The following DCK variants were observed in gnomAD, a reference collection of about 807,000 sequenced individuals.
DCK encodes the protein deoxyadenosine kinase.
A neutral mutation model predicts 38.3 loss-of-function variants in DCK; 23 were observed. The ratio of observed to expected loss-of-function variants is 0.60; its 90% CI spans 0.43 to 0.85. DCK has a LOEUF of 0.85. DCK is among the 40% of genes least tolerant of loss of function. The pLI, the probability that DCK is intolerant of heterozygous loss-of-function variation, is 0.00. For synonymous variants in DCK, 108 were observed against 100.6 expected (o/e 1.07, Z -0.44); for missense variants, 259 against 304.4 (o/e 0.85, Z 1.11).
intron 2 of DCK, among the ~76,000 whole-genome samples, chr4:70,999,837 CAT>C (rs1739754297): frequency 1.3e-5 from 2 of 151,988 alleles, no homozygotes. Flanking sequence ...AGTGTCTGTT[CAT>C]ATCATTTGCC....
intron 2 of DCK, among the ~76,000 whole-genome samples, chr4:71,013,573 C>T (rs1214284227): frequency 6.6e-6 from 1 of 152,146 alleles, no homozygotes; most frequent in African/African-American, 2.4e-5. Context: ...GGCAGAAACG[C>T]TACAAGCCAG....
chr4:70,997,509 G>A (rs1739686489), intron 1 of DCK, among the ~76,000 whole-genome samples: 1 of 152,072 alleles, frequency 6.6e-6, no homozygotes, highest in Admixed American at 6.5e-5. Flanking sequence ...TTCTCTGTGT[G>A]TAATTCTTTA....
intron 5 of DCK, among the ~76,000 whole-genome samples, chr4:71,026,326 C>A (rs964780991): frequency 6.6e-6 from 1 of 152,056 alleles, no homozygotes; most frequent in African/African-American, 2.4e-5. Flanking sequence ...TGGTGTGTGA[C>A]CTTGGATAGC....
At chr4:71,008,508 T>TA (rs1740002812) in intron 2 of DCK, among the ~76,000 whole-genome samples, 1 of 152,220 alleles carries the variant, frequency 6.6e-6, no homozygotes, top group South Asian at 2.1e-4. Flanking sequence ...TTCGCTGAAG[T>TA]ACCTACTCAA....
At chr4:70,995,336 C>G (rs1403626293) in intron 1 of DCK, among the ~76,000 whole-genome samples, 2 of 152,156 alleles carry the variant, frequency 1.3e-5, no homozygotes, top group African/African-American at 4.8e-5. Flanking sequence ...CTTGTAATCC[C>G]AGGATTTGGG....
chr4:71,026,280 GTTA>G (rs1740545005), intron 5 of DCK, among the ~76,000 whole-genome samples: 1 of 152,074 alleles, frequency 6.6e-6, no homozygotes, highest in South Asian at 2.1e-4. Flanking sequence ...GATAGACTTT[GTTA>G]TTAGTCAGAT....
At position 71,011,443 on chromosome 4, in the gene DCK, G is replaced by A. The variant is rs140163774; in HGVS notation, c.208-10924G>A. Among the ~76,000 whole-genome samples the A allele has an allele frequency of 5.3e-3, 799 of 151,880 alleles. 6 individuals are homozygous for A. The highest frequency in any genetic ancestry group is 0.018 in the African/African-American group (757 of 41,406). ...TGAACCTCAGCCCACTGCAGCCTCCGCCTCCTGGGCTCAAGTGATCCTCCC... is the reference window on the plus strand; with the variant it reads ...TGAACCTCAGCCCACTGCAGCCTCCACCTCCTGGGCTCAAGTGATCCTCCC... On this transcript the variant is annotated intron_variant, in intron 2 of 6. Coordinates refer to ENST00000286648, the MANE Select transcript of DCK (RefSeq NM_000788.3).
chr4:71,009,381 G>A (rs936943524), intron 2 of DCK, among the ~76,000 whole-genome samples: 1 of 152,192 alleles, frequency 6.6e-6, no homozygotes, highest in South Asian at 2.1e-4. Flanking sequence ...TGTCTGTTGA[G>A]CTTGGAATCA....
Position 71,017,557 on chromosome 4 carries a change from A to G in DCK, c.208-4810A>G, listed in dbSNP as rs1478255568. Among the ~76,000 whole-genome samples the G allele has an allele frequency of 2.0e-5, 3 of 152,162 alleles. No individual in the cohort carries two copies. The East Asian group carries it at 5.8e-4, about 29-fold the overall frequency. ...ATGTCCATCAGTAATAGACTGGATT[A>G]AGAAAATGTGGCACATATACACCAT... On this transcript the variant is annotated intron_variant, in intron 2 of 6. Coordinates refer to ENST00000286648, the MANE Select transcript of DCK (RefSeq NM_000788.3).
At chr4:71,028,131 A>G (rs144457963) in intron 6 of DCK, among the ~76,000 whole-genome samples, 83 of 152,324 alleles carry the variant, frequency 5.4e-4, no homozygotes, top group African/African-American at 1.9e-3. Flanking sequence ...TGTGATTCAC[A>G]TATGTGCTTC....
chr4:71,000,162 G>C (rs957601247), intron 2 of DCK, among the ~76,000 whole-genome samples: 1 of 152,034 alleles, frequency 6.6e-6, no homozygotes, highest in African/African-American at 2.4e-5. Context: ...TAGGTCTTAT[G>C]TTTAAATCTT....
At chr4:71,011,634 G>A (rs1186178526) in intron 2 of DCK, among the ~76,000 whole-genome samples, 1 of 152,152 alleles carries the variant, frequency 6.6e-6, no homozygotes, top group Non-Finnish European at 1.5e-5. Context: ...CTAGAATTAG[G>A]CATATGAGTC....
In DCK at chr4:71,029,369, T is replaced by G. The variant is rs1740630736; in HGVS notation, c.774T>G (p.Ser258Arg). The change falls in exon 7 of 7, where the codon AGT becomes AGG. Residue 258 changes from serine (S) to arginine (R), a missense_variant. By Grantham distance (110) the Ser-to-Arg change is moderately radical (BLOSUM62 -1). This residue lies in a region of DCK where 82 missense variants were observed against 103.8 expected (regional missense o/e 0.79). Coordinates refer to ENST00000286648, the MANE Select transcript of DCK (RefSeq NM_000788.3). Reference sequence around the variant, plus strand: ...TTCCTCAGGTCAAAGAGTTTTTGAGTACTTTGTGATCTTGCTGAAGACTAC... The same window carrying G: ...TTCCTCAGGTCAAAGAGTTTTTGAGGACTTTGTGATCTTGCTGAAGACTAC... Reference protein sequence around the residue: ...SLVEKVKEFLSTL With the variant: ...SLVEKVKEFLRTL 6.2e-7 allele frequency: 1 copy of G among 1,607,852 alleles called. No homozygotes were observed. The highest frequency in any genetic ancestry group is 1.7e-5 in the Admixed American group (1 of 59,424).
chr4:71,020,327 G>C (rs1301485344), intron 2 of DCK, among the ~76,000 whole-genome samples: 1 of 152,156 alleles, frequency 6.6e-6, no homozygotes, highest in Non-Finnish European at 1.5e-5. Flanking sequence ...TTGGTGATGT[G>C]TATTTCTTTA....
intron 2 of DCK, among the ~76,000 whole-genome samples, chr4:71,012,172 T>C (rs1045986638): frequency 1.4e-4 from 21 of 152,094 alleles, no homozygotes; most frequent in African/African-American, 4.3e-4. Flanking sequence ...AATATTTATA[T>C]GTCAAGAGTC....
At position 71,025,720 on chromosome 4, in the gene DCK, G is replaced by A. The variant is rs1035745112; in HGVS notation, c.550-96G>A. ...GTAATAAGTAGAGATTTTGGCTAGC[G>A]TGAGTAGAGAGACACAGAAAAGAAA... On this transcript the variant is annotated intron_variant, in intron 4 of 6. Coordinates refer to ENST00000286648, the MANE Select transcript of DCK (RefSeq NM_000788.3). 61 of 1,416,328 alleles carry A rather than the reference G, an allele frequency of 4.3e-5. No individual in the cohort carries two copies. In the African/African-American group the frequency reaches 7.0e-4, roughly 16 times the overall value. The allele number at this position is 1,416,328 out of a possible 1,614,324, so 87.7% of individuals were successfully genotyped here.
chr4:71,027,644 T>A (rs944842177), intron 6 of DCK, among the ~76,000 whole-genome samples: 20 of 152,162 alleles, frequency 1.3e-4, no homozygotes, highest in Non-Finnish European at 5.9e-5. Flanking sequence ...AAGGGATATA[T>A]CAAGGATTTT....
At chr4:71,019,622 C>G (rs1244976874) in intron 2 of DCK, among the ~76,000 whole-genome samples, 1 of 152,042 alleles carries the variant, frequency 6.6e-6, no homozygotes, top group Non-Finnish European at 1.5e-5. Flanking sequence ...GAAATATAGT[C>G]TTTTAAAACA....
Position 71,007,394 on chromosome 4 carries a change from A to G in DCK, c.207+9212A>G, listed in dbSNP as rs1177852759. Among the ~76,000 whole-genome samples, 3 of 152,220 alleles carry G rather than the reference A, an allele frequency of 2.0e-5. No homozygotes were observed. The East Asian group carries it at 5.8e-4, about 29-fold the overall frequency. The stretch of plus-strand genomic sequence containing the variant: ...TTTATAACCATTATCCAGGTCAAGA[A>G]ATACGACATCATCATTCCAGAAATC... On this transcript the variant is annotated intron_variant, in intron 2 of 6. Transcript: ENST00000286648.
Sources: gnomAD v4.1 joint callset for allele counts (sites outside exome capture counted in the v4.1 genomes callset) on GRCh38, gnomAD v4.1.1 for gene constraint, gnomAD v4.1.1 regional missense constraint, MANE v1.5 for transcripts, NCBI Gene and HGNC (gene_info 2026-07-23, HGNC 2026-07-21) for gene names.